The following SEMA6A variants were observed in gnomAD, a reference collection of about 807,000 sequenced individuals.
The protein encoded by SEMA6A is semaphorin 6A.
Under a neutral mutation model 96.8 loss-of-function variants are expected in SEMA6A, and 25 were observed. The observed-to-expected ratio is 0.26, with a 90% CI of 0.19 to 0.36. The LOEUF is 0.36. Among genes scored for constraint, SEMA6A ranks in the 10% least tolerant of loss-of-function variants. The pLI is 1.00. For missense variants in SEMA6A, 1,363 were observed against 1,323.1 expected (o/e 1.03, Z -0.47); for synonymous variants, 612 against 518.0 (o/e 1.18, Z -2.46).
rs574470951 is a variant in SEMA6A at position 116,544,803 on chromosome 5, A to G, written c.-39+29382T>C. Among the ~76,000 whole-genome samples the G allele has an allele frequency of 9.8e-5, 15 of 152,310 alleles. 2 individuals carry two copies. In the South Asian group the frequency reaches 3.1e-3, roughly 32 times the overall value. On this transcript the variant is annotated intron_variant, in intron 1 of 18. Coordinates refer to ENST00000343348, the MANE Select transcript of SEMA6A (RefSeq NM_020796.5). ...ATGCCAGGGGGAAAACAGTTTATTTACATACCACTGTTAAATATAGTGAAC... is the reference window on the plus strand; with the variant it reads ...ATGCCAGGGGGAAAACAGTTTATTTGCATACCACTGTTAAATATAGTGAAC...
At chr5:116,473,582 A>G (rs1402624066) in intron 16 of SEMA6A, among the ~76,000 whole-genome samples, 1 of 152,070 alleles carries the variant, frequency 6.6e-6, no homozygotes, top group African/African-American at 2.4e-5. Flanking sequence ...CAAAAAACAA[A>G]CCCTTACACA....
intron 4 of SEMA6A, among the ~76,000 whole-genome samples, chr5:116,496,952 CTT>C (rs1303035726): frequency 2.0e-5 from 3 of 152,146 alleles, no homozygotes; most frequent in Non-Finnish European, 2.9e-5. Context: ...TCAAATCAAA[CTT>C]AATACTGCAA....
At chr5:116,448,173 A>T (rs1175491925) in intron 18 of SEMA6A, among the ~76,000 whole-genome samples, 1 of 15,830 alleles carries the variant, frequency 6.3e-5, no homozygotes, top group African/African-American at 1.1e-4. Context: ...TCTCTACTAA[A>T]AAAAAAAAAA....
intron 1 of SEMA6A, among the ~76,000 whole-genome samples, chr5:116,571,292 C>T (rs1761202773): frequency 6.6e-6 from 1 of 152,118 alleles, no homozygotes; most frequent in Non-Finnish European, 1.5e-5. Context: ...GCTGATGGCT[C>T]CTCAGAAATG....
At chr5:116,471,156 C>T (rs1034848914) in intron 17 of SEMA6A, 2 of 152,176 alleles carry the variant, frequency 1.3e-5, no homozygotes, top group African/African-American at 4.8e-5. Flanking sequence ...TGGATAGGAT[C>T]ATTAGCTGAA....
At position 116,449,506 on chromosome 5, in the gene SEMA6A, G is replaced by A. The variant is rs1466557081; in HGVS notation, c.1895-1695C>T. 2.1e-5 allele frequency: 12 copies of A among 580,982 alleles called. 1 individual carries two copies. The highest frequency in any genetic ancestry group is 8.7e-5 in the East Asian group (3 of 34,326). 36.0% of individuals were successfully genotyped at this position (580,982 alleles called of 1,614,324 possible). A position where few individuals can be genotyped will look rare whatever the true frequency, so the allele number is the denominator to read the frequency against. On this transcript the variant is annotated intron_variant, in intron 18 of 18. Coordinates refer to ENST00000343348, the MANE Select transcript of SEMA6A (RefSeq NM_020796.5). ...CTGAAATGTTGTCTTTGTCACAGCC[G>A]AGACCTTGAAGCTTTCTCATGGGGG...
At chr5:116,559,562 G>T (rs1760737613) in intron 1 of SEMA6A, among the ~76,000 whole-genome samples, 1 of 152,152 alleles carries the variant, frequency 6.6e-6, no homozygotes, top group Admixed American at 6.5e-5. Context: ...GCCTTGTGTT[G>T]TTTGTTGGTG....
At chr5:116,468,973 A>G (rs954078381) in intron 17 of SEMA6A, 2 of 151,040 alleles carry the variant, frequency 1.3e-5, no homozygotes, top group Non-Finnish European at 3.0e-5. Flanking sequence ...TTTTACAATT[A>G]TTATTGGAAG....
intron 18 of SEMA6A, among the ~76,000 whole-genome samples, chr5:116,465,830 C>T (rs1038787255): frequency 1.3e-5 from 2 of 152,102 alleles, no homozygotes; most frequent in South Asian, 4.2e-4. Context: ...TATTTTGTTT[C>T]AGAAAAAACG....
At position 116,512,368 on chromosome 5, in the gene SEMA6A, T is replaced by C. The variant is rs1447660436; in HGVS notation, c.-38-7386A>G. On this transcript the variant is annotated intron_variant, in intron 1 of 18. Coordinates refer to ENST00000343348, the MANE Select transcript of SEMA6A (RefSeq NM_020796.5). ...AAGCATCTGGTCTTTCTTTCCTCCT[T>C]CTCTCAGCCATTAAGAGAGACATAA... Among the ~76,000 whole-genome samples the C allele has an allele frequency of 5.9e-5, 9 of 152,206 alleles. 1 individual carries two copies. In the South Asian group the frequency reaches 1.5e-3, roughly 25 times the overall value.
At chr5:116,532,184 C>T (rs1161462564) in intron 1 of SEMA6A, among the ~76,000 whole-genome samples, 2 of 152,166 alleles carry the variant, frequency 1.3e-5, no homozygotes, top group African/African-American at 4.8e-5. Flanking sequence ...TCCCAACCTC[C>T]TGAGTCAACA....
chr5:116,443,829 AC>A lies in SEMA6A; in HGVS notation c.*2783del, dbSNP rs1754034314. ...ACTCGGGTTTATGGACCCTCCCCCCACACACAGTGGGGAAAAAAACTGGGGA... is the reference window on the plus strand; with the variant it reads ...ACTCGGGTTTATGGACCCTCCCCCCAACACAGTGGGGAAAAAAACTGGGGA... On this transcript the variant is annotated 3_prime_UTR_variant, in exon 19 of 19. Coordinates refer to ENST00000343348, the MANE Select transcript of SEMA6A (RefSeq NM_020796.5). The A allele has an allele frequency of 6.6e-6, 1 of 152,602 alleles. No homozygotes were observed. Among genetic ancestry groups the A allele is most frequent in the Non-Finnish European group, 1.5e-5 (1 of 68,042 alleles). 9.5% of individuals were successfully genotyped at this position (152,602 alleles called of 1,614,324 possible). A position where few individuals can be genotyped will look rare whatever the true frequency, so the allele number is the denominator to read the frequency against.
In SEMA6A at chr5:116,502,498, T is replaced by A; in HGVS notation, c.101-171A>T. 6.7e-6 allele frequency: 4 copies of A among 595,786 alleles called. No individual in the cohort carries two copies. In the South Asian group the frequency reaches 8.2e-5, roughly 12 times the overall value. The allele number at this position is 595,786 out of a possible 1,614,324, so 36.9% of individuals were successfully genotyped here. A position where few individuals can be genotyped will look rare whatever the true frequency, so the allele number is the denominator to read the frequency against. On this transcript the variant is annotated intron_variant, in intron 2 of 18. Transcript: ENST00000343348. ...TATTTTAGGAAATATGATAGAAGAGTGCTCCTTAAGGTTCATCAAGTTACA... is the reference window on the plus strand; with the variant it reads ...TATTTTAGGAAATATGATAGAAGAGAGCTCCTTAAGGTTCATCAAGTTACA...
chr5:116,517,836 T>C (rs886688559), intron 1 of SEMA6A, among the ~76,000 whole-genome samples: 1 of 152,206 alleles, frequency 6.6e-6, no homozygotes, highest in Admixed American at 6.5e-5. Flanking sequence ...TCAGCACTCC[T>C]TCCTCTCTCT....
rs1760693799 is a variant in SEMA6A at position 116,558,526 on chromosome 5, A to G, written c.-39+15659T>C. ...GCCGGACTGCGGACTGCAGTGGCGC[A>G]ATCTCGGCTCACTGCAAGCTCCGCT... is the stretch of plus-strand genomic sequence containing the variant. On this transcript the variant is annotated intron_variant, in intron 1 of 18. Transcript: ENST00000343348. 3.7e-5 allele frequency among the ~76,000 whole-genome samples: 2 copies of G among 53,432 alleles called. 1 individual carries two copies. Among genetic ancestry groups the G allele is most frequent in the Non-Finnish European group, 9.1e-5 (2 of 21,982 alleles). 35.1% of individuals were successfully genotyped at this position (53,432 alleles called of 152,430 possible).
intron 1 of SEMA6A, among the ~76,000 whole-genome samples, chr5:116,570,655 T>C (rs1233303971): frequency 6.6e-6 from 1 of 152,254 alleles, no homozygotes; most frequent in Non-Finnish European, 1.5e-5. Flanking sequence ...ATATTAGCTC[T>C]TGGCAATCTA....
At chr5:116,458,754 C>T (rs373437638) in intron 18 of SEMA6A, among the ~76,000 whole-genome samples, 4 of 151,930 alleles carry the variant, frequency 2.6e-5, no homozygotes, top group East Asian at 1.9e-4. Context: ...CTACCCTTTC[C>T]ACAATAATCT....
At chr5:116,458,039 T>C (rs1449227148) in intron 18 of SEMA6A, among the ~76,000 whole-genome samples, 5 of 152,184 alleles carry the variant, frequency 3.3e-5, no homozygotes, top group Non-Finnish European at 5.9e-5. Context: ...TTTTGCCCTC[T>C]GTGGACTAGT....
intron 1 of SEMA6A, among the ~76,000 whole-genome samples, chr5:116,563,579 A>G (rs939634107): frequency 6.7e-6 from 1 of 148,566 alleles, no homozygotes; most frequent in African/African-American, 2.5e-5. Flanking sequence ...TAAAGTCCAC[A>G]TTGTATTTGA....
Sources: gnomAD v4.1 joint callset for allele counts (sites outside exome capture counted in the v4.1 genomes callset) on GRCh38, gnomAD v4.1.1 for gene constraint, MANE v1.5 for transcripts, NCBI Gene and HGNC (gene_info 2026-07-23, HGNC 2026-07-21) for gene names.